NLRP2: variants seen among roughly 807,000 people sequenced by gnomAD.
NLRP2 encodes NACHT, LRR and PYD domains-containing protein 2.
In NLRP2, 107 loss-of-function variants were observed where a neutral mutation model predicts 97.2. The ratio of observed to expected loss-of-function variants is 1.10; its 90% CI spans 0.94 to 1.29. The LOEUF is 1.29. Ranked by LOEUF, NLRP2 falls within the 50% of genes most tolerant of loss-of-function variation. The pLI, the probability that NLRP2 is intolerant of heterozygous loss-of-function variation, is 0.00. For missense variants in NLRP2, 1,495 were observed against 1,330.3 expected, an observed-to-expected ratio of 1.12 and a Z score of -1.93; for synonymous variants, 663 against 551.5, an observed-to-expected ratio of 1.20 and a Z score of -2.83.
Position 54,983,342 on chromosome 19 carries a change from C to T in NLRP2, c.1644C>T (p.Pro548=), listed in dbSNP as rs1253305398. ...LLSGVERLRN[P]DLIQAGYYSF... is the part of the protein sequence containing the mutation. Reference sequence around the variant, plus strand: ...CCGGAGTAGAAAGACTCAGGAACCCCGACCTGATCCAAGCAGGCTACTACT... The same window carrying T: ...CCGGAGTAGAAAGACTCAGGAACCCTGACCTGATCCAAGCAGGCTACTACT... The change falls in exon 6 of 13, where the codon CCC becomes CCT. Residue 548 remains proline (P), a synonymous_variant. Transcript: ENST00000448584. 2.4e-5 allele frequency: 39 copies of T among 1,614,184 alleles called. No homozygotes were observed. The highest frequency in any genetic ancestry group is 2.0e-4 in the East Asian group (9 of 44,878).
intron 1 of NLRP2, among the ~76,000 whole-genome samples, chr19:54,968,225 T>TGTC (rs55849881): frequency 2.7e-5 from 4 of 150,184 alleles, no homozygotes; most frequent in African/African-American, 4.9e-5. Flanking sequence ...GCCCTGTTGT[T>TGTC]TTTAAAATAG....
In NLRP2 at chr19:54,982,668, A is replaced by G. The variant is rs1163089244; in HGVS notation, c.970A>G (p.Arg324Gly). 5 of 1,614,098 alleles carry G rather than the reference A, an allele frequency of 3.1e-6. No individual in the cohort carries two copies. Among genetic ancestry groups the G allele is most frequent in the East Asian group, 4.5e-5 (2 of 44,868 alleles). Residue 324 changes from arginine to glycine, a missense_variant, in exon 6 of 13, where the codon AGG becomes GGG. Coordinates refer to ENST00000448584, the MANE Select transcript of NLRP2 (RefSeq NM_017852.5). ...CGTCCTCCTGGGGAGTTTGCTGAACAGGGTGATGTTACCCAAGGCCGCCCT... is the reference window on the plus strand; with the variant it reads ...CGTCCTCCTGGGGAGTTTGCTGAACGGGGTGATGTTACCCAAGGCCGCCCT... ...VPVLLGSLLN[R>G]VMLPKAALLV...
At position 54,982,224 on chromosome 19, in the gene NLRP2, C is replaced by T. The variant is rs768331569; in HGVS notation, c.526C>T (p.Pro176Ser). The T allele has an allele frequency of 2.5e-5, 40 of 1,613,936 alleles. 1 individual carries two copies. The Admixed American group carries it at 6.5e-4, about 26-fold the overall frequency. ...TKFREMWKSW[P>S]GDSKEVQVMA... The stretch of plus-strand genomic sequence containing the variant: ...GTTCCGGGAGATGTGGAAGAGCTGG[C>T]CTGGAGATAGCAAAGAGGTCCAGGT... The change falls in exon 6 of 13, where the codon CCT becomes TCT. Residue 176 changes from proline to serine, a missense_variant. By Grantham distance (74) the Pro-to-Ser change is moderately conservative (BLOSUM62 -1). Transcript: ENST00000448584.
Position 54,983,733 on chromosome 19 carries a change from G to GA in NLRP2, c.2030+7dup. On this transcript the variant is annotated splice_donor_region_variant and intron_variant, in intron 6 of 12. Coordinates refer to ENST00000448584, the MANE Select transcript of NLRP2 (RefSeq NM_017852.5). ...ATCAGACGCCGAGGTTGAGAGGTGA[G>GA]AACCGTTTCACTCTACCAGTCGTTC... 2 of 1,608,740 alleles carry GA rather than the reference G, an allele frequency of 1.2e-6. No homozygotes were observed. The highest frequency in any genetic ancestry group is 1.7e-6 in the Non-Finnish European group (2 of 1,179,862).
At chr19:54,980,429 T>A (rs1340781757) in intron 4 of NLRP2, among the ~76,000 whole-genome samples, 3 of 150,030 alleles carry the variant, frequency 2.0e-5, no homozygotes, top group South Asian at 2.1e-4. Context: ...CTCCTGACCT[T>A]ATGATCCACC....
At chr19:54,969,859 G>A in intron 1 of NLRP2, 140 bp from the exon 2 acceptor site, 1 of 819,024 alleles carries the variant, frequency 1.2e-6, no homozygotes, top group Admixed American at 2.0e-5. Flanking sequence ...GTCTCACTAT[G>A]TTGCCCAGGC....
intron 1 of NLRP2, among the ~76,000 whole-genome samples, chr19:54,967,097 G>C (rs953138674): frequency 2.7e-5 from 4 of 150,462 alleles, no homozygotes; most frequent in Non-Finnish European, 4.4e-5. Flanking sequence ...TAACTCCTGG[G>C]CTCAAGCGAT....
In NLRP2 at chr19:54,982,896, G is replaced by T; in HGVS notation, c.1198G>T (p.Val400Leu). 6.2e-7 allele frequency: 1 copy of T among 1,613,102 alleles called. No homozygotes were observed. The highest frequency in any genetic ancestry group is 8.5e-7 in the Non-Finnish European group (1 of 1,180,006). The change falls in exon 6 of 13, where the codon GTG becomes TTG. Residue 400 changes from valine to leucine, a missense_variant. Physicochemically the swap from Val to Leu is conservative, Grantham distance 32. Coordinates refer to ENST00000448584, the MANE Select transcript of NLRP2 (RefSeq NM_017852.5). ...GTTCCAGCTGGGCTCGGCCCCCGCG[G>T]TGTGCTGGATCGTGTGCACGACTCT... ...ALFQLGSAPA[V>L]CWIVCTTLKL...
Position 55,000,933 on chromosome 19 carries a change from C to T in NLRP2, c.*35C>T, listed in dbSNP as rs762911205. The T allele has an allele frequency of 3.1e-5, 50 of 1,610,200 alleles. No homozygotes were observed. The African/African-American group carries it at 3.6e-4, about 12-fold the overall frequency. On this transcript the variant is annotated 3_prime_UTR_variant, in exon 13 of 13. Transcript: ENST00000448584. ...AGTCATTCATTCTCCATGAAGTCAT[C>T]GATTTTCCAGGTGTTGGTGAACTGC...
chr19:54,990,247 G>T (rs780143780), intron 9 of NLRP2, 55 bp downstream of exon 9: 2 of 1,564,266 alleles, frequency 1.3e-6, no homozygotes, highest in South Asian at 1.1e-5. Context: ...GGCCACAGAC[G>T]AGCAATGGTC....
At position 54,968,713 on chromosome 19, in the gene NLRP2, T is replaced by TTTTTTTTTTTTG. The variant is rs1454134577; in HGVS notation, c.-17-1286_-17-1285insTTTTTTTTTTTG. On this transcript the variant is annotated intron_variant, in intron 1 of 12. Transcript: ENST00000448584. ...GTTATCTTTAAGCCTTTTTTTTTTT[T>TTTTTTTTTTTTG]GAGACAGTTTCACTCTTGTCGCCCC... 1.1e-3 allele frequency among the ~76,000 whole-genome samples: 155 copies of TTTTTTTTTTTTG among 135,744 alleles called. 2 individuals carry two copies. The highest frequency in any genetic ancestry group is 4.1e-3 in the Middle Eastern group (1 of 244). 89.1% of individuals were successfully genotyped at this position (135,744 alleles called of 152,430 possible).
In NLRP2 at chr19:54,975,571, C is replaced by T. The variant is rs1032279059; in HGVS notation, c.325+1027C>T. 1.3e-5 allele frequency among the ~76,000 whole-genome samples: 2 copies of T among 148,960 alleles called. 1 individual carries two copies. The highest frequency in any genetic ancestry group is 5.0e-5 in the African/African-American group (2 of 39,840). Reference sequence around the variant, plus strand: ...GGTTCATGCCATTCTCCTGCCTCAGCCTCCCGAGTAGCTGGGACTACAGGC... The same window carrying T: ...GGTTCATGCCATTCTCCTGCCTCAGTCTCCCGAGTAGCTGGGACTACAGGC... On this transcript the variant is annotated intron_variant, in intron 3 of 12. Coordinates refer to ENST00000448584, the MANE Select transcript of NLRP2 (RefSeq NM_017852.5).
rs1190809721 is a variant in NLRP2, at chr19:54,985,233, T to G, written c.2201+16T>G. On this transcript the variant is annotated intron_variant, in intron 7 of 12. Transcript: ENST00000448584. ...AGAGAGTGGTGTAAGTAGAAACTAA[T>G]TCATGAACTCAAATCCTTAGGGTAT... 6.2e-7 allele frequency: 1 copy of G among 1,611,234 alleles called. No homozygotes were observed. Among genetic ancestry groups the G allele is most frequent in the Non-Finnish European group, 8.5e-7 (1 of 1,177,820 alleles).
intron 9 of NLRP2, 122 bp downstream of exon 9, chr19:54,990,314 T>C: frequency 8.4e-7 from 1 of 1,195,706 alleles, no homozygotes. Flanking sequence ...TTCCCATGTT[T>C]AGATCCAGGC....
rs1021059636 is a variant in NLRP2 at position 54,993,764 on chromosome 19, A to T, written c.2709-505A>T. 6 of 250,310 alleles carry T rather than the reference A, an allele frequency of 2.4e-5. No individual in the cohort carries two copies. The Admixed American group carries it at 3.1e-4, about 13-fold the overall frequency. 15.5% of individuals were successfully genotyped at this position (250,310 alleles called of 1,614,324 possible). On this transcript the variant is annotated intron_variant, in intron 10 of 12. Transcript: ENST00000448584. ...CCCCCCTGTAATCCCAGCTACTCGG[A>T]AGGCTGGGGCACAAGAATCGCGTGA...
intron 11 of NLRP2, among the ~76,000 whole-genome samples, chr19:54,995,865 A>T (rs1213679963): frequency 1.3e-5 from 2 of 151,856 alleles, no homozygotes; most frequent in Non-Finnish European, 2.9e-5. Context: ...AACACAATGA[A>T]GCCCTGTCTC....
At chr19:54,970,782 T>TG (rs1171724497) in intron 2 of NLRP2, among the ~76,000 whole-genome samples, 1 of 148,746 alleles carries the variant, frequency 6.7e-6, no homozygotes, top group Admixed American at 6.7e-5. Context: ...TTTTTTTTTT[T>TG]TTTTTGTCCT....
At chr19:54,984,812 C>G (rs1353768259) in intron 6 of NLRP2, among the ~76,000 whole-genome samples, 1 of 152,018 alleles carries the variant, frequency 6.6e-6, no homozygotes, top group African/African-American at 2.4e-5. Context: ...CAATGATGTG[C>G]TTAGCATTTT....
At chr19:54,998,652 T>TTTTA (rs2072995761) in intron 12 of NLRP2, among the ~76,000 whole-genome samples, 2 of 110,270 alleles carry the variant, frequency 1.8e-5, no homozygotes, top group Non-Finnish European at 3.7e-5. Flanking sequence ...TTTTTTTTTT[T>TTTTA]ATTGATCATT....
Sources: allele counts gnomAD v4.1 joint callset (sites outside exome capture counted in the v4.1 genomes callset), GRCh38; gene constraint gnomAD v4.1.1; transcripts MANE v1.5; gene names NCBI Gene and HGNC (gene_info 2026-07-23, HGNC 2026-07-21).